PRRC2A: variants seen among roughly 807,000 people sequenced by gnomAD.
PRRC2A encodes proline rich coiled-coil 2A.
PRRC2A carries 59 observed loss-of-function variants against 224.6 expected under a neutral mutation model. The ratio of observed to expected loss-of-function variants is 0.26; its 90% confidence interval spans 0.21 to 0.33. The LOEUF (loss-of-function observed/expected upper bound fraction) is 0.33, where lower values mean the gene tolerates loss of function less well. Among genes scored for constraint, PRRC2A ranks in the 10% least tolerant of loss-of-function variants. PRRC2A has a pLI of 1.00. For missense variants in PRRC2A, 3,095 were observed against 2,880.7 expected (o/e 1.07, Z -1.70); for synonymous variants, 1,194 against 1,109.5 (o/e 1.08, Z -1.51).
chr6:31,624,421 AT>A (rs1187793627), intron 4 of PRRC2A, 28 bp from the exon 5 acceptor site: 1 of 1,609,664 alleles, frequency 6.2e-7, no homozygotes, highest in Non-Finnish European at 8.5e-7. Flanking sequence ...CACCCACATC[AT>A]TTATCATCTT....
At chr6:31,624,019 C>T in intron 3 of PRRC2A, 110 bp downstream of exon 3, 2 of 1,319,474 alleles carry the variant, frequency 1.5e-6, no homozygotes, top group Non-Finnish European at 2.1e-6. Flanking sequence ...CGAAGAGGTC[C>T]CTTTCTTACC....
At position 31,629,202 on chromosome 6, in the gene PRRC2A, T is replaced by C; in HGVS notation, c.1824T>C (p.Pro608=). The C allele has an allele frequency of 1.2e-6, 2 of 1,614,120 alleles. No homozygotes were observed. The highest frequency in any genetic ancestry group is 1.1e-5 in the South Asian group (1 of 91,072). The part of the protein sequence containing the change: ...GPEPPEEVPP[P]TTPPVPKVEP... The stretch of plus-strand genomic sequence containing the variant: ...AACCACCAGAAGAGGTTCCTCCTCC[T>C]ACCACACCCCCAGTTCCAAAGGTGG... The change falls in exon 13 of 31, where the codon CCT becomes CCC. Residue 608 remains proline (P), a synonymous_variant. Transcript: ENST00000376033.
In PRRC2A at chr6:31,632,115, C is replaced by T. The variant is rs1237218391; in HGVS notation, c.3442C>T (p.Pro1148Ser). The T allele has an allele frequency of 1.9e-6, 3 of 1,549,762 alleles. No homozygotes were observed. In the South Asian group the frequency reaches 3.7e-5, roughly 19 times the overall value. ...CCCACCACCAGGAGCCCCACCTTCA[C>T]CAGCCCCAGCCCGCTTCACTGCCCG... Reference protein sequence around the residue: ...APPPPGAPPSPAPARFTARGG... With the variant: ...APPPPGAPPSSAPARFTARGG... The change falls in exon 16 of 31, where the codon CCA becomes TCA. Residue 1148 changes from proline to serine, a missense_variant. This residue lies in a region of PRRC2A where 2,001 missense variants were observed against 1,764.9 expected (regional missense o/e 1.13). Coordinates refer to ENST00000376033, the MANE Select transcript of PRRC2A (RefSeq NM_004638.4).
rs145609055 is a variant in PRRC2A at position 31,625,602 on chromosome 6, G to A, written c.750G>A (p.Met250Ile). Reference sequence around the variant, plus strand: ...AGTTCCCTCCCTACCGCGGAATGATGCCGCCTTTCGTGAGTCTTGGTGTCT... The same window carrying A: ...AGTTCCCTCCCTACCGCGGAATGATACCGCCTTTCGTGAGTCTTGGTGTCT... Reference protein sequence around the residue: ...PPQFPPYRGMMPPFMYPPYLP... With the variant: ...PPQFPPYRGMIPPFMYPPYLP... Residue 250 changes from methionine to isoleucine, a missense_variant, in exon 7 of 31, where the codon ATG becomes ATA. Met to Ile is a conservative substitution (Grantham distance 10). Transcript: ENST00000376033. The surrounding 1 kb of genome is among the most constrained non-coding windows in gnomAD (Gnocchi z 4.1). 6 of 1,576,442 alleles carry A rather than the reference G, an allele frequency of 3.8e-6. No individual in the cohort carries two copies. The African/African-American group carries it at 6.8e-5, about 18-fold the overall frequency.
In PRRC2A at chr6:31,621,718, G is replaced by C. The variant is rs778710169; in HGVS notation, c.-101+860G>C. 1.8e-4 allele frequency among the ~76,000 whole-genome samples: 27 copies of C among 152,104 alleles called. 1 individual carries two copies. Among genetic ancestry groups the C allele is most frequent in the Non-Finnish European group, 2.8e-4 (19 of 68,016 alleles). ...TTAGCTTTCATTCTGGGCCTGTCTG[G>C]ATTTCCCTGCTTTCTTCCCCACTAT... On this transcript the variant is annotated intron_variant, in intron 1 of 30. Coordinates refer to ENST00000376033, the MANE Select transcript of PRRC2A (RefSeq NM_004638.4).
In PRRC2A at chr6:31,628,134, C is replaced by T. The variant is rs755653515; in HGVS notation, c.1660C>T (p.Pro554Ser). Residue 554 changes from proline to serine, a missense_variant, in exon 12 of 31, where the codon CCT becomes TCT. Transcript: ENST00000376033. ...ACCTGAAGAGCCAGCACAGGCCCCT[C>T]CTGCCCAATCTACTCCTACTCCAGG... ...TEPEEPAQAP[P>S]AQSTPTPGVA... 5 of 1,613,164 alleles carry T rather than the reference C, an allele frequency of 3.1e-6. No homozygotes were observed. The highest frequency in any genetic ancestry group is 8.5e-7 in the Non-Finnish European group (1 of 1,180,032).
At chr6:31,623,955 G>C (rs764502753) in intron 3 of PRRC2A, 46 bp downstream of exon 3, 1 of 1,596,474 alleles carries the variant, frequency 6.3e-7, no homozygotes, top group Middle Eastern at 1.7e-4. Flanking sequence ...ATTTTAACTT[G>C]AACTTCAGGG....
In PRRC2A at chr6:31,627,244, T is replaced by A. The variant is rs1336364277; in HGVS notation, c.1290+46T>A. 3 of 1,360,986 alleles carry A rather than the reference T, an allele frequency of 2.2e-6. No homozygotes were observed. The Admixed American group carries it at 5.9e-5, about 27-fold the overall frequency. 84.3% of individuals were successfully genotyped at this position (1,360,986 alleles called of 1,614,324 possible). On this transcript the variant is annotated intron_variant, in intron 11 of 30. Transcript: ENST00000376033. This position sits in a 1 kb window ranked among gnomAD's most constrained non-coding sequence, Gnocchi z 5.6. ...ATTGAGAGGGTCAGCTGTGGGAAAT[T>A]GGTGTCAGCTGAGTAATTGAAGCGG... is the stretch of plus-strand genomic sequence containing the variant.
In PRRC2A at chr6:31,627,921, C is replaced by T. The variant is rs138000512; in HGVS notation, c.1447C>T (p.Arg483Trp). Residue 483 changes from arginine to tryptophan, a missense_variant, in exon 12 of 31, where the codon CGG becomes TGG. Arg to Trp is a moderately radical substitution (Grantham distance 101, BLOSUM62 -3). Coordinates refer to ENST00000376033, the MANE Select transcript of PRRC2A (RefSeq NM_004638.4). The surrounding 1 kb of genome is among the most constrained non-coding windows in gnomAD (Gnocchi z 5.6). Reference sequence around the variant, plus strand: ...GGAGCGGCGCATGCAAGAAGAGCGCCGGGCAGCCTGTGCTGAGAAGCTCAA... The same window carrying T: ...GGAGCGGCGCATGCAAGAAGAGCGCTGGGCAGCCTGTGCTGAGAAGCTCAA... Reference protein sequence around the residue: ...EEERRMQEERRAACAEKLKRL... With the variant: ...EEERRMQEERWAACAEKLKRL... 5.1e-5 allele frequency: 82 copies of T among 1,612,824 alleles called. No homozygotes were observed. Among genetic ancestry groups the T allele is most frequent in the Non-Finnish European group, 5.9e-5 (70 of 1,179,982 alleles).
intron 1 of PRRC2A, among the ~76,000 whole-genome samples, chr6:31,622,023 A>G (rs1481889165): frequency 1.3e-5 from 2 of 152,208 alleles, no homozygotes; most frequent in Non-Finnish European, 2.9e-5. Context: ...GATTTTTTCC[A>G]GGAGCCAATA....
chr6:31,633,026 A>G (rs1776853549), intron 16 of PRRC2A, 34 bp downstream of exon 16: 1 of 1,472,874 alleles, frequency 6.8e-7, no homozygotes, highest in South Asian at 1.4e-5. Context: ...TTGTGGTTTA[A>G]AAATTGGAGG....
At position 31,636,859 on chromosome 6, in the gene PRRC2A, C is replaced by T; in HGVS notation, c.6061C>T (p.Leu2021=). The T allele has an allele frequency of 1.2e-6, 2 of 1,612,916 alleles. No homozygotes were observed. The highest frequency in any genetic ancestry group is 2.2e-5 in the East Asian group (1 of 44,882). Residue 2021 remains leucine, a synonymous_variant, in exon 28 of 31, where the codon CTG becomes TTG. Coordinates refer to ENST00000376033, the MANE Select transcript of PRRC2A (RefSeq NM_004638.4). This position sits in a 1 kb window ranked among gnomAD's most constrained non-coding sequence, Gnocchi z 4.3. ...PVGPALQPPS[L]AVRPPPAPAT... is the part of the protein sequence containing the mutation. The stretch of plus-strand genomic sequence containing the variant: ...GGGCCCTGCTCTGCAGCCCCCCAGC[C>T]TGGCTGTGCGGCCCCCACCTGCTCC...
At position 31,635,629 on chromosome 6, in the gene PRRC2A, C is replaced by A; in HGVS notation, c.5421C>A (p.Ala1807=). The change falls in exon 24 of 31, where the codon GCC becomes GCA. Residue 1807 remains alanine (A), a synonymous_variant. Coordinates refer to ENST00000376033, the MANE Select transcript of PRRC2A (RefSeq NM_004638.4). ...GGGAGCTGCTTCCCAGTGCTGCTGC[C>A]TCTGCTGAGCCACAATCCAAGAACC... ...RDWELLPSAA[A]SAEPQSKNLD... The A allele has an allele frequency of 1.9e-6, 3 of 1,612,670 alleles. No homozygotes were observed. The highest frequency in any genetic ancestry group is 2.5e-6 in the Non-Finnish European group (3 of 1,179,820).
At chr6:31,630,442 A>G (rs1364746863) in intron 14 of PRRC2A, 149 bp from the exon 15 acceptor site, 34 of 696,752 alleles carry the variant, frequency 4.9e-5, no homozygotes, top group Non-Finnish European at 2.4e-6. Flanking sequence ...ATCTGAGTGG[A>G]TAACCTTGTT....
Position 31,632,554 on chromosome 6 carries a change from C to A in PRRC2A, c.3881C>A (p.Thr1294Lys), listed in dbSNP as rs777893148. The A allele has an allele frequency of 1.2e-5, 19 of 1,611,698 alleles. No individual in the cohort carries two copies. Among genetic ancestry groups the A allele is most frequent in the Admixed American group, 1.7e-5 (1 of 59,942 alleles). The change falls in exon 16 of 31, where the codon ACA (threonine) becomes AAA (lysine). Residue 1294 changes from threonine to lysine, a missense_variant. This residue lies in a region of PRRC2A where 2,001 missense variants were observed against 1,764.9 expected (regional missense o/e 1.13). Transcript: ENST00000376033. Reference protein sequence around the residue: ...PGPEEALTTVTVAPAPRRAAA... With the variant: ...PGPEEALTTVKVAPAPRRAAA... ...CCTGAGGAGGCCCTCACAACAGTCACAGTGGCCCCAGCACCTCGCCGGGCA... is the reference window on the plus strand; with the variant it reads ...CCTGAGGAGGCCCTCACAACAGTCAAAGTGGCCCCAGCACCTCGCCGGGCA...
Position 31,627,049 on chromosome 6 carries a change from C to T in PRRC2A, c.1141C>T (p.Pro381Ser). 6.2e-7 allele frequency: 1 copy of T among 1,614,194 alleles called. No individual in the cohort carries two copies. The highest frequency in any genetic ancestry group is 1.1e-5 in the South Asian group (1 of 91,090). The change falls in exon 11 of 31, where the codon CCC (proline) becomes TCC (serine). Residue 381 changes from proline (P) to serine (S), a missense_variant. By Grantham distance (74) the Pro-to-Ser change is moderately conservative (BLOSUM62 -1). This residue lies in a region of PRRC2A where 2,001 missense variants were observed against 1,764.9 expected (regional missense o/e 1.13). Transcript: ENST00000376033. The surrounding 1 kb of genome is among the most constrained non-coding windows in gnomAD (Gnocchi z 5.6). ...PEADGKKGNS[P>S]NSEPPTPKTA... The stretch of plus-strand genomic sequence containing the variant: ...AGCAGATGGCAAAAAGGGCAACTCC[C>T]CCAACAGCGAACCGCCCACTCCTAA...
rs757864873 is a variant in PRRC2A, at chr6:31,629,182, C to G, written c.1804C>G (p.Pro602Ala). 1 of 1,614,094 alleles carries G rather than the reference C, an allele frequency of 6.2e-7. No individual in the cohort carries two copies. Among genetic ancestry groups the G allele is most frequent in the African/African-American group, 1.3e-5 (1 of 75,024 alleles). The change falls in exon 13 of 31, where the codon CCA becomes GCA. Residue 602 changes from proline (P) to alanine (A), a missense_variant. Around this residue, in one of 8 missense-constraint regions of PRRC2A, gnomAD observed 2,001 missense variants for 1,764.9 expected, o/e 1.13. Coordinates refer to ENST00000376033, the MANE Select transcript of PRRC2A (RefSeq NM_004638.4). Reference sequence around the variant, plus strand: ...GCCCTCAAAAGAGGGTCCTGAACCACCAGAAGAGGTTCCTCCTCCTACCAC... The same window carrying G: ...GCCCTCAAAAGAGGGTCCTGAACCAGCAGAAGAGGTTCCTCCTCCTACCAC... ...QLPSKEGPEP[P>A]EEVPPPTTPP...
Position 31,637,313 on chromosome 6 carries a change from C to T in PRRC2A, c.6322C>T (p.Leu2108Phe), listed in dbSNP as rs558243740. ...SGVFRTQRVD[L>F]YQQASPPDAL... ...AGTCTTCCGCACCCAGCGCGTCGAC[C>T]TTTACCAGCAGGTGAAGGAGAAACC... Residue 2108 changes from leucine to phenylalanine, a missense_variant, in exon 30 of 31, where the codon CTT becomes TTT. Leu to Phe is a conservative substitution (Grantham distance 22, BLOSUM62 0). Transcript: ENST00000376033. 7.4e-6 allele frequency: 12 copies of T among 1,611,700 alleles called. No individual in the cohort carries two copies. In the East Asian group the frequency reaches 8.9e-5, roughly 12 times the overall value.
rs753167670 is a variant in PRRC2A, at chr6:31,632,598, C to G, written c.3925C>G (p.Leu1309Val). 4.3e-6 allele frequency: 7 copies of G among 1,613,066 alleles called. No homozygotes were observed. The East Asian group carries it at 6.7e-5, about 15-fold the overall frequency. ...CCGGGCAGCTGCCAAGTCTCCTGAT[C>G]TGTCAAACCAGAACTCAGACCAAGC... is the stretch of plus-strand genomic sequence containing the variant. The part of the protein sequence containing the change: ...PRRAAAKSPD[L>V]SNQNSDQANE... Residue 1309 changes from leucine to valine, a missense_variant, in exon 16 of 31, where the codon CTG becomes GTG. By Grantham distance (32) the Leu-to-Val change is conservative. Around this residue, in one of 8 missense-constraint regions of PRRC2A, gnomAD observed 2,001 missense variants for 1,764.9 expected, o/e 1.13. Coordinates refer to ENST00000376033, the MANE Select transcript of PRRC2A (RefSeq NM_004638.4).
Sources: gnomAD v4.1 joint callset for allele counts (sites outside exome capture counted in the v4.1 genomes callset) on GRCh38, gnomAD v4.1.1 for gene constraint, gnomAD v4.1.1 regional missense constraint, Gnocchi (gnomAD v3.1) non-coding constraint, MANE v1.5 for transcripts, NCBI Gene and HGNC (gene_info 2026-07-23, HGNC 2026-07-21) for gene names.